Variants in BLK observed in about 807,000 individuals in gnomAD.
BLK encodes the protein BLK proto-oncogene, Src family tyrosine kinase.
Under a neutral mutation model 61.8 loss-of-function variants are expected in BLK, and 64 were observed. That is an observed-to-expected ratio of 1.03 (90% CI 0.85 to 1.27). The LOEUF is 1.27. Ranked by LOEUF, BLK falls within the 50% of genes most tolerant of loss-of-function variation. The probability of loss-of-function intolerance (pLI) is 0.00; values close to 1 mark genes in which losing one functional copy is unlikely to be tolerated. For missense variants in BLK, 853 were observed against 660.5 expected (o/e 1.29, Z -3.19); for synonymous variants, 351 against 272.0 (o/e 1.29, Z -2.86).
chr8:11,507,378 C>T (rs945561692), intron 1 of BLK, among the ~76,000 whole-genome samples: 2 of 152,252 alleles, frequency 1.3e-5, no homozygotes, highest in African/African-American at 4.8e-5. Context: ...CTGGCCTGGA[C>T]CACCATGTAG....
intron 10 of BLK, chr8:11,558,502 G>C (rs550954937): frequency 5.3e-6 from 2 of 374,952 alleles, no homozygotes; most frequent in Admixed American, 6.5e-5. Context: ...GTCGACCCCA[G>C]GCTGATGGGC....
chr8:11,553,967 A>T (rs548224022), intron 6 of BLK, among the ~76,000 whole-genome samples: 29 of 151,962 alleles, frequency 1.9e-4, no homozygotes, highest in African/African-American at 7.0e-4. Context: ...GTAGGCGCGG[A>T]CTCGGGGAAC....
chr8:11,544,906 A>T (rs1800556558), intron 2 of BLK, among the ~76,000 whole-genome samples: 1 of 152,222 alleles, frequency 6.6e-6, no homozygotes, highest in African/African-American at 2.4e-5. Flanking sequence ...AACTTCAGAC[A>T]AGAAAGAGAC....
chr8:11,529,423 G>T (rs1422844250), intron 1 of BLK, among the ~76,000 whole-genome samples: 1 of 152,072 alleles, frequency 6.6e-6, no homozygotes, highest in East Asian at 1.9e-4. Flanking sequence ...TTCCTGCGCT[G>T]AGTCAATTCC....
intron 1 of BLK, among the ~76,000 whole-genome samples, chr8:11,501,714 G>A (rs192319899): frequency 6.6e-5 from 10 of 152,324 alleles, no homozygotes; most frequent in African/African-American, 1.9e-4. Flanking sequence ...TGTCATATCC[G>A]TAGCCAAGCA....
intron 10 of BLK, chr8:11,559,715 C>G (rs1291406488): frequency 1.3e-5 from 6 of 455,458 alleles, no homozygotes; most frequent in African/African-American, 4.0e-5. Flanking sequence ...CAGATGCCAC[C>G]GGTTCCCATG....
chr8:11,556,414 T>A (rs1251022561), intron 8 of BLK: 1 of 555,910 alleles, frequency 1.8e-6, no homozygotes, highest in African/African-American at 1.9e-5. Flanking sequence ...AGGCCCAGGG[T>A]GTGGGGCAAA....
At chr8:11,501,355 CTT>C (rs34735987) in intron 1 of BLK, among the ~76,000 whole-genome samples, 335 of 145,344 alleles carry the variant, frequency 2.3e-3, no homozygotes, top group Middle Eastern at 3.5e-3. Flanking sequence ...AACTCTCTCT[CTT>C]TTTTTTTTTT....
intron 1 of BLK, chr8:11,509,034 G>A (rs1406537884): frequency 6.6e-6 from 1 of 152,258 alleles, no homozygotes; most frequent in African/African-American, 2.4e-5. Context: ...TGAGCTGCAT[G>A]CAGCTGGCAC....
chr8:11,528,708 G>T (rs899131188), intron 1 of BLK, among the ~76,000 whole-genome samples: 1 of 152,138 alleles, frequency 6.6e-6, no homozygotes, highest in African/African-American at 2.4e-5. Context: ...TGTGTATAAC[G>T]AAAACATTGG....
chr8:11,540,662 T>C (rs1054634926), intron 1 of BLK, among the ~76,000 whole-genome samples: 1 of 152,126 alleles, frequency 6.6e-6, no homozygotes, highest in African/African-American at 2.4e-5. Context: ...TAAAGATCTA[T>C]AAACCATATA....
intron 1 of BLK, among the ~76,000 whole-genome samples, chr8:11,541,398 A>G (rs1800373015): frequency 6.6e-6 from 1 of 152,170 alleles, no homozygotes; most frequent in African/African-American, 2.4e-5. Flanking sequence ...AATTTATTAC[A>G]TTGACAAATT....
intron 8 of BLK, chr8:11,556,346 C>T: frequency 2.3e-6 from 1 of 425,540 alleles, no homozygotes; most frequent in South Asian, 2.2e-5. Flanking sequence ...AGAAGAGACT[C>T]ATTATGTAGG....
intron 2 of BLK, chr8:11,545,834 G>A (rs757070780): frequency 5.4e-5 from 33 of 611,586 alleles, no homozygotes; most frequent in African/African-American, 3.7e-4. Flanking sequence ...ATCCCCCAGC[G>A]CGGTCAGGGC....
intron 1 of BLK, among the ~76,000 whole-genome samples, chr8:11,496,543 C>T (rs550789604): frequency 2.0e-5 from 3 of 152,336 alleles, no homozygotes; most frequent in South Asian, 4.1e-4. Flanking sequence ...GTGACTGGCC[C>T]AGCATGCATT....
chr8:11,528,723 C>T (rs139369564), intron 1 of BLK, among the ~76,000 whole-genome samples: 3 of 152,248 alleles, frequency 2.0e-5, no homozygotes, highest in Admixed American at 2.0e-4. Flanking sequence ...CATTGGTGCT[C>T]TTATCCACAG....
At chr8:11,495,544 C>T (rs2117220796) in intron 1 of BLK, among the ~76,000 whole-genome samples, 1 of 152,286 alleles carries the variant, frequency 6.6e-6, no homozygotes, top group African/African-American at 2.4e-5. Context: ...GTTCTTCCCA[C>T]CAACTCATAA....
intron 1 of BLK, among the ~76,000 whole-genome samples, chr8:11,502,255 T>G (rs1280521339): frequency 2.0e-5 from 3 of 152,216 alleles, no homozygotes; most frequent in Non-Finnish European, 2.9e-5. Flanking sequence ...ATAATTCAAC[T>G]TTAATTTTTT....
chr8:11,507,360 C>G (rs1330336431), intron 1 of BLK, among the ~76,000 whole-genome samples: 1 of 152,208 alleles, frequency 6.6e-6, no homozygotes, highest in Non-Finnish European at 1.5e-5. Context: ...CCTGGATTTG[C>G]AGTGGCCCTG....
Sources: allele counts gnomAD v4.1 joint callset (sites outside exome capture counted in the v4.1 genomes callset), GRCh38; gene constraint gnomAD v4.1.1; transcripts MANE v1.5; gene names NCBI Gene and HGNC (gene_info 2026-07-23, HGNC 2026-07-21).